SPOCK3: variants seen among roughly 807,000 people sequenced by gnomAD.
SPOCK3 encodes the protein testican-3.
In SPOCK3, 30 loss-of-function variants were observed where a neutral mutation model predicts 56.6. The observed-to-expected ratio is 0.53, with a 90% CI of 0.40 to 0.72. The LOEUF (loss-of-function observed/expected upper bound fraction) is 0.72. Among genes scored for constraint, SPOCK3 ranks in the 30% least tolerant of loss-of-function variants. SPOCK3 has a pLI of 0.00. For synonymous variants in SPOCK3, 196 were observed against 183.3 expected, an observed-to-expected ratio of 1.07 and a Z score of -0.56; for missense variants, 527 against 530.0, an observed-to-expected ratio of 0.99 and a Z score of 0.06.
intron 2 of SPOCK3, among the ~76,000 whole-genome samples, chr4:167,220,704 G>A (rs1735829194): frequency 1.3e-5 from 2 of 152,056 alleles, no homozygotes; most frequent in African/African-American, 4.8e-5. Flanking sequence ...TCTTTTAACA[G>A]CTATTTCTGA....
intron 3 of SPOCK3, among the ~76,000 whole-genome samples, chr4:167,001,678 G>A (rs1395730878): frequency 6.6e-6 from 1 of 152,078 alleles, no homozygotes; most frequent in African/African-American, 2.4e-5. Context: ...TAAACAAAAG[G>A]CACTGAGTGT....
chr4:166,927,661 G>A (rs970648295), intron 4 of SPOCK3, among the ~76,000 whole-genome samples: 4 of 151,934 alleles, frequency 2.6e-5, no homozygotes, highest in African/African-American at 7.3e-5. Context: ...ACATCACCTC[G>A]GTTTTGGAAA....
intron 3 of SPOCK3, among the ~76,000 whole-genome samples, chr4:167,046,450 CTTTTTTTTT>C (rs67108499): frequency 1.5e-4 from 8 of 53,708 alleles, no homozygotes; most frequent in African/African-American, 6.4e-4. Flanking sequence ...TTCTGATATT[CTTTTTTTTT>C]TTTTTTTTTT....
chr4:166,766,343 A>T (rs1230694076), intron 7 of SPOCK3, among the ~76,000 whole-genome samples: 1 of 151,876 alleles, frequency 6.6e-6, no homozygotes, highest in Non-Finnish European at 1.5e-5. Context: ...ATAGATCTTA[A>T]TATTTTGAGA....
chr4:167,071,826 T>A (rs557558679), intron 2 of SPOCK3, among the ~76,000 whole-genome samples: 1 of 152,058 alleles, frequency 6.6e-6, no homozygotes, highest in Admixed American at 6.6e-5. Flanking sequence ...TGAACTAATT[T>A]ACACTCCCAC....
intron 5 of SPOCK3, among the ~76,000 whole-genome samples, chr4:166,891,103 G>A (rs1395982619): frequency 6.6e-6 from 1 of 151,796 alleles, no homozygotes; most frequent in Non-Finnish European, 1.5e-5. Flanking sequence ...CCATTTGCTT[G>A]GTAAATCTTC....
chr4:166,769,065 G>A (rs1427863963), intron 7 of SPOCK3, among the ~76,000 whole-genome samples: 2 of 152,070 alleles, frequency 1.3e-5, no homozygotes, highest in African/African-American at 4.8e-5. Flanking sequence ...TCTCTACAGT[G>A]GTTATTCTAG....
At chr4:167,212,885 T>G (rs1034405752) in intron 2 of SPOCK3, among the ~76,000 whole-genome samples, 1 of 152,118 alleles carries the variant, frequency 6.6e-6, no homozygotes, top group African/African-American at 2.4e-5. Context: ...TTTAGAAAAT[T>G]AGAGTGATTT....
intron 2 of SPOCK3, among the ~76,000 whole-genome samples, chr4:167,185,460 C>T (rs542770321): frequency 2.6e-5 from 4 of 152,146 alleles, no homozygotes; most frequent in African/African-American, 9.6e-5. Context: ...TTAATCTTAA[C>T]TTTTTTTTCT....
chr4:167,183,005 T>C (rs1731630129), intron 2 of SPOCK3, among the ~76,000 whole-genome samples: 1 of 151,552 alleles, frequency 6.6e-6, no homozygotes, highest in South Asian at 2.1e-4. Context: ...TGGCAGTGTG[T>C]CCATTATGAG....
intron 6 of SPOCK3, among the ~76,000 whole-genome samples, chr4:166,821,388 A>G (rs936812787): frequency 2.6e-5 from 4 of 152,056 alleles, no homozygotes; most frequent in Admixed American, 6.6e-5. Context: ...TTGGTTTGGT[A>G]GTACCTCAAA....
chr4:166,962,747 G>A (rs1451357173), intron 4 of SPOCK3, among the ~76,000 whole-genome samples: 3 of 152,004 alleles, frequency 2.0e-5, no homozygotes, highest in Non-Finnish European at 4.4e-5. Flanking sequence ...CTAGGTAGCT[G>A]TTGAAAATGA....
At chr4:166,848,924 G>A (rs955714455) in intron 6 of SPOCK3, among the ~76,000 whole-genome samples, 7 of 152,066 alleles carry the variant, frequency 4.6e-5, no homozygotes, top group Admixed American at 6.6e-5. Flanking sequence ...AAACTATGTC[G>A]TTGATTGCTG....
intron 5 of SPOCK3, among the ~76,000 whole-genome samples, chr4:166,911,564 T>C (rs1338369578): frequency 6.6e-6 from 1 of 152,090 alleles, no homozygotes; most frequent in African/African-American, 2.4e-5. Flanking sequence ...TGAGACAGAG[T>C]TTTGCTCTTA....
At chr4:167,127,616 C>G (rs975863592) in intron 2 of SPOCK3, among the ~76,000 whole-genome samples, 3 of 152,010 alleles carry the variant, frequency 2.0e-5, no homozygotes, top group Non-Finnish European at 4.4e-5. Context: ...TTAGTAGAGA[C>G]AGGGTTCCAC....
chr4:167,051,127 TAAAC>T (rs919446588), intron 3 of SPOCK3, among the ~76,000 whole-genome samples: 8 of 152,142 alleles, frequency 5.3e-5, no homozygotes, highest in East Asian at 1.9e-4. Context: ...AGTAAAATAA[TAAAC>T]AAAAAGCCTA....
chr4:166,874,411 C>T (rs752553900), intron 6 of SPOCK3, among the ~76,000 whole-genome samples: 1 of 152,146 alleles, frequency 6.6e-6, no homozygotes, highest in Non-Finnish European at 1.5e-5. Flanking sequence ...GAAAAAGCAT[C>T]AGACCCTTGA....
In SPOCK3 at chr4:167,223,141, T is replaced by C. The variant is rs559267814; in HGVS notation, c.189+10844A>G. ...ATATTTTATATATGAATATATATTT[T>C]ATATATGAATATATATTTTATATAT... On this transcript the variant is annotated intron_variant, in intron 2 of 10. Transcript: ENST00000357545. 1.8e-3 allele frequency among the ~76,000 whole-genome samples: 216 copies of C among 121,084 alleles called. 6 individuals carry two copies. Among genetic ancestry groups the C allele is most frequent in the East Asian group, 0.016 (68 of 4,276 alleles). 79.4% of individuals were successfully genotyped at this position (121,084 alleles called of 152,430 possible). A position where few individuals can be genotyped will look rare whatever the true frequency, so the allele number is the denominator to read the frequency against.
At chr4:166,833,225 CAT>C (rs1484350447) in intron 6 of SPOCK3, among the ~76,000 whole-genome samples, 3 of 152,066 alleles carry the variant, frequency 2.0e-5, no homozygotes, top group Non-Finnish European at 4.4e-5. Context: ...ATATACATCA[CAT>C]GATTTCAATT....
Sources: allele counts gnomAD v4.1 joint callset (sites outside exome capture counted in the v4.1 genomes callset), GRCh38; gene constraint gnomAD v4.1.1; transcripts MANE v1.5; gene names NCBI Gene and HGNC (gene_info 2026-07-23, HGNC 2026-07-21).